The following MEMO1 variants were observed in gnomAD, a reference collection of about 807,000 sequenced individuals.
MEMO1 encodes the protein mediator of cell motility 1.
Under a neutral mutation model 45.2 loss-of-function variants are expected in MEMO1, and 6 were observed. The observed-to-expected ratio is 0.13, with a 90% CI of 0.07 to 0.26. The LOEUF (loss-of-function observed/expected upper bound fraction) is 0.26, where lower values mean the gene tolerates loss of function less well. Ranked by LOEUF, MEMO1 falls within the 10% of genes least tolerant of loss-of-function variation. The probability of loss-of-function intolerance (pLI) is 1.00; values close to 1 mark genes in which losing one functional copy is unlikely to be tolerated. For synonymous variants in MEMO1, 78 were observed against 124.3 expected (o/e 0.63, Z 2.48); for missense variants, 184 against 370.5 (o/e 0.50, Z 4.13).
chr2:31,874,777 C>T (rs931295832), intron 8 of MEMO1, among the ~76,000 whole-genome samples: 3 of 151,708 alleles, frequency 2.0e-5, no homozygotes, highest in African/African-American at 7.3e-5. Flanking sequence ...CATATGAAAA[C>T]TAAGATATTG....
intron 2 of MEMO1, among the ~76,000 whole-genome samples, chr2:31,965,204 A>G (rs1668465422): frequency 6.6e-6 from 1 of 151,462 alleles, no homozygotes; most frequent in South Asian, 2.1e-4. Flanking sequence ...CAAGGGCGAA[A>G]CTCCATCAAA....
At chr2:31,978,960 T>TC (rs1174201440) in intron 2 of MEMO1, among the ~76,000 whole-genome samples, 133 of 150,184 alleles carry the variant, frequency 8.9e-4, no homozygotes, top group African/African-American at 2.9e-3. Flanking sequence ...TGATTATCCA[T>TC]CCCCCCCCAA....
At position 31,921,500 on chromosome 2, in the gene MEMO1, C is replaced by T. The variant is rs369127204; in HGVS notation, c.213-590G>A. On this transcript the variant is annotated intron_variant, in intron 4 of 9. Coordinates refer to ENST00000404530, the MANE Select transcript of MEMO1 (RefSeq NM_001301833.4). ...TCAATTAATACAGTAAACCAACCCA[C>T]TATGCATAAAATAATCTCTATACTC... is the stretch of plus-strand genomic sequence containing the variant. Among the ~76,000 whole-genome samples, 31 of 152,242 alleles carry T rather than the reference C, an allele frequency of 2.0e-4. No homozygotes were observed. The South Asian group carries it at 6.2e-3, about 31-fold the overall frequency.
intron 8 of MEMO1, among the ~76,000 whole-genome samples, chr2:31,874,401 T>C (rs1360231607): frequency 1.3e-5 from 2 of 152,108 alleles, no homozygotes; most frequent in East Asian, 1.9e-4. Flanking sequence ...TACAGTTACA[T>C]AGTTTTTCCC....
At chr2:31,982,544 G>A (rs1449972318) in intron 2 of MEMO1, among the ~76,000 whole-genome samples, 4 of 145,636 alleles carry the variant, frequency 2.7e-5, no homozygotes, top group South Asian at 4.4e-4. Context: ...GAGCAAGATC[G>A]CGCCACTGCA....
chr2:31,907,365 T>A (rs954193218), intron 6 of MEMO1, among the ~76,000 whole-genome samples: 2 of 152,250 alleles, frequency 1.3e-5, no homozygotes, highest in Non-Finnish European at 2.9e-5. Context: ...TATTTTTGTA[T>A]TCTCCATCCT....
intron 4 of MEMO1, chr2:31,923,591 C>A: frequency 1.3e-6 from 2 of 1,499,564 alleles, no homozygotes; most frequent in Admixed American, 2.4e-5. Flanking sequence ...AGAATGGTAA[C>A]TCAGAAATGT....
intron 6 of MEMO1, among the ~76,000 whole-genome samples, chr2:31,895,199 GT>G (rs1399264012): frequency 2.0e-5 from 3 of 152,070 alleles, no homozygotes; most frequent in African/African-American, 7.2e-5. Context: ...TACACAAAAT[GT>G]CCAGTTCCAA....
At chr2:31,965,329 G>A (rs1243660687) in intron 2 of MEMO1, among the ~76,000 whole-genome samples, 1 of 152,028 alleles carries the variant, frequency 6.6e-6, no homozygotes, top group Non-Finnish European at 1.5e-5. Flanking sequence ...GGGAGGAAGA[G>A]AGGGAGGGAA....
At chr2:31,915,206 C>T (rs951504222) in intron 6 of MEMO1, among the ~76,000 whole-genome samples, 1 of 152,026 alleles carries the variant, frequency 6.6e-6, no homozygotes, top group African/African-American at 2.4e-5. Context: ...TGATGGAGAT[C>T]ACAAGATAAT....
chr2:31,880,890 G>C (rs2147929185), intron 8 of MEMO1, among the ~76,000 whole-genome samples: 1 of 152,196 alleles, frequency 6.6e-6, no homozygotes, highest in East Asian at 1.9e-4. Context: ...CGGGCGTGGT[G>C]GTAAATGTCT....
chr2:31,961,464 T>C (rs898566777), intron 2 of MEMO1, among the ~76,000 whole-genome samples: 2 of 150,784 alleles, frequency 1.3e-5, no homozygotes, highest in Admixed American at 6.6e-5. Flanking sequence ...CTGGGTTCTT[T>C]AAAATATGTT....
At chr2:31,997,765 T>G (rs1281066047) in intron 2 of MEMO1, among the ~76,000 whole-genome samples, 2 of 152,058 alleles carry the variant, frequency 1.3e-5, no homozygotes, top group Non-Finnish European at 2.9e-5. Context: ...TGGTAAGAAG[T>G]TGGAATGTGG....
At chr2:31,900,567 A>C (rs907166974) in intron 6 of MEMO1, among the ~76,000 whole-genome samples, 2 of 152,156 alleles carry the variant, frequency 1.3e-5, no homozygotes, top group Non-Finnish European at 1.5e-5. Context: ...GCATTAGAAG[A>C]GATATCTAAT....
At chr2:31,914,038 A>G (rs768104950) in intron 6 of MEMO1, among the ~76,000 whole-genome samples, 9 of 152,214 alleles carry the variant, frequency 5.9e-5, no homozygotes, top group Non-Finnish European at 1.0e-4. Flanking sequence ...CACCACGTGA[A>G]GAGAGAAGTC....
chr2:31,925,209 G>A (rs2148204373), intron 4 of MEMO1, among the ~76,000 whole-genome samples: 1 of 152,260 alleles, frequency 6.6e-6, no homozygotes, highest in African/African-American at 2.4e-5. Context: ...TGGGTGCAGT[G>A]CCTCATGCCT....
At chr2:32,009,521 G>A (rs1674538475) in intron 2 of MEMO1, among the ~76,000 whole-genome samples, 1 of 152,180 alleles carries the variant, frequency 6.6e-6, no homozygotes, top group Non-Finnish European at 1.5e-5. Context: ...TTCACTCCCT[G>A]CAAGACAGCG....
chr2:31,934,299 A>T (rs1171375518), intron 3 of MEMO1, among the ~76,000 whole-genome samples: 1 of 151,600 alleles, frequency 6.6e-6, no homozygotes, highest in Non-Finnish European at 1.5e-5. Flanking sequence ...CCCAATCCAT[A>T]CTCTGATCTC....
chr2:31,958,456 CA>C (rs1451968449), intron 2 of MEMO1, among the ~76,000 whole-genome samples: 2 of 151,906 alleles, frequency 1.3e-5, no homozygotes, highest in Non-Finnish European at 2.9e-5. Context: ...CAAGCACCAG[CA>C]ACTTTAAAAG....
Sources: gnomAD v4.1 joint callset for allele counts (sites outside exome capture counted in the v4.1 genomes callset) on GRCh38, gnomAD v4.1.1 for gene constraint, MANE v1.5 for transcripts, NCBI Gene and HGNC (gene_info 2026-07-23, HGNC 2026-07-21) for gene names.